CSTF3: variants seen among roughly 807,000 people sequenced by gnomAD.
CSTF3 encodes CF-1 77 kDa subunit.
Under a neutral mutation model 105.8 loss-of-function variants are expected in CSTF3, and 29 were observed. The observed-to-expected ratio is 0.27, with a 90% CI of 0.20 to 0.37. The LOEUF is 0.37. CSTF3 is among the 10% of genes least tolerant of loss of function. CSTF3 has a pLI of 1.00. For synonymous variants in CSTF3, 252 were observed against 281.9 expected (o/e 0.89, Z 1.06); for missense variants, 357 against 879.3 (o/e 0.41, Z 7.51).
intron 3 of CSTF3, among the ~76,000 whole-genome samples, chr11:33,137,071 C>A (rs1457566206): frequency 6.6e-6 from 1 of 151,748 alleles, no homozygotes; most frequent in Non-Finnish European, 1.5e-5. Flanking sequence ...ACTCTTATTA[C>A]ACCAAAGAAT....
Position 33,085,730 on chromosome 11 carries a change from C to T in CSTF3, c.1934G>A (p.Arg645Lys). The T allele has an allele frequency of 1.9e-6, 3 of 1,613,632 alleles. No homozygotes were observed. The highest frequency in any genetic ancestry group is 2.5e-6 in the Non-Finnish European group (3 of 1,179,658). Reference sequence around the variant, plus strand: ...TTACTTACTATTTGGTATCTTGCATCTTCGGAAAATTTCCATCAGTTCATC... The same window carrying T: ...TTACTTACTATTTGGTATCTTGCATTTTCGGAAAATTTCCATCAGTTCATC... ...QVDELMEIFR[R>K]CKIPNTVEEA... is the part of the protein sequence containing the mutation. The change falls in exon 20 of 21, where the codon AGA becomes AAA. Residue 645 changes from arginine to lysine, a missense_variant. Arg to Lys is a conservative substitution (Grantham distance 26). This residue lies in a region of CSTF3 where 73 missense variants were observed against 105.8 expected (regional missense o/e 0.69). Coordinates refer to ENST00000323959, the MANE Select transcript of CSTF3 (RefSeq NM_001326.3).
At chr11:33,125,917 A>G (rs998534904) in intron 3 of CSTF3, among the ~76,000 whole-genome samples, 6 of 152,200 alleles carry the variant, frequency 3.9e-5, no homozygotes, top group African/African-American at 1.4e-4. Context: ...TGTAAGTTCA[A>G]TGTTAATAAG....
chr11:33,139,808 G>A (rs962483890), intron 3 of CSTF3, among the ~76,000 whole-genome samples: 1 of 151,988 alleles, frequency 6.6e-6, no homozygotes, highest in Non-Finnish European at 1.5e-5. Flanking sequence ...TCAGGCAACT[G>A]CTAGCAGCTC....
intron 8 of CSTF3, among the ~76,000 whole-genome samples, chr11:33,105,137 A>G (rs1200533981): frequency 6.6e-6 from 1 of 152,232 alleles, no homozygotes; most frequent in Non-Finnish European, 1.5e-5. Flanking sequence ...GTAGATACCA[A>G]TAACACAAAG....
At chr11:33,146,361 G>A (rs1855782971) in intron 1 of CSTF3, among the ~76,000 whole-genome samples, 1 of 152,012 alleles carries the variant, frequency 6.6e-6, no homozygotes, top group Admixed American at 6.6e-5. Flanking sequence ...TCAGCTACTA[G>A]ACTATAGTTA....
At position 33,085,570 on chromosome 11, in the gene CSTF3, G is replaced by C; in HGVS notation, c.1951+143C>G. On this transcript the variant is annotated intron_variant, in intron 20 of 20. Coordinates refer to ENST00000323959, the MANE Select transcript of CSTF3 (RefSeq NM_001326.3). The stretch of plus-strand genomic sequence containing the variant: ...TGAATAAGCCTTTCTCTGCCAAAGA[G>C]GGTTTGGGTAACTCCTGGGTTTCAC... 9.7e-6 allele frequency: 7 copies of C among 724,796 alleles called. No individual in the cohort carries two copies. The South Asian group carries it at 1.3e-4, about 13-fold the overall frequency. The allele number at this position is 724,796 out of a possible 1,614,324, so 44.9% of individuals were successfully genotyped here.
At position 33,088,824 on chromosome 11, in the gene CSTF3, T is replaced by G. The variant is rs549161022; in HGVS notation, c.1642-1683A>C. 4.0e-5 allele frequency among the ~76,000 whole-genome samples: 6 copies of G among 151,684 alleles called. No homozygotes were observed. The South Asian group carries it at 1.3e-3, about 32-fold the overall frequency. ...GGTAGAGATGGGATTTCATCATGTT[T>G]CCCAGGCTGGTCTTGAACTCCTGGG... On this transcript the variant is annotated intron_variant, in intron 17 of 20. Coordinates refer to ENST00000323959, the MANE Select transcript of CSTF3 (RefSeq NM_001326.3).
Position 33,085,087 on chromosome 11 carries a change from C to T in CSTF3, c.2154G>A (p.Ter718=). The change falls in exon 21 of 21, where the codon TAG becomes TAA. Residue 718 remains the stop codon, a stop_retained_variant. Coordinates refer to ENST00000323959, the MANE Select transcript of CSTF3 (RefSeq NM_001326.3). Reference sequence around the variant, plus strand: ...GTTTTCTGCAGAGGCGTTTAAAACCCTACCGAATCCGCTTCTGCTGCCGTG... The same window carrying T: ...GTTTTCTGCAGAGGCGTTTAAAACCTTACCGAATCCGCTTCTGCTGCCGTG... The part of the protein sequence containing the change: ...YRARQQKRIR[*] 1 of 1,614,150 alleles carries T rather than the reference C, an allele frequency of 6.2e-7. No homozygotes were observed. The highest frequency in any genetic ancestry group is 8.5e-7 in the Non-Finnish European group (1 of 1,180,016).
Position 33,090,745 on chromosome 11 carries a change from C to T in CSTF3, c.1446-18G>A. 6.7e-7 allele frequency: 1 copy of T among 1,486,838 alleles called. No individual in the cohort carries two copies. Among genetic ancestry groups the T allele is most frequent in the African/African-American group, 1.4e-5 (1 of 70,976 alleles). The allele number at this position is 1,486,838 out of a possible 1,614,324, so 92.1% of individuals were successfully genotyped here. A position where few individuals can be genotyped will look rare whatever the true frequency, so the allele number is the denominator to read the frequency against. On this transcript the variant is annotated intron_variant, in intron 16 of 20. Transcript: ENST00000323959. The stretch of plus-strand genomic sequence containing the variant: ...AGATTTCTCTGCAAGAAAAGAAATA[C>T]AATCAATACTTTAATTATTCTGGGT...
At chr11:33,123,897 T>C (rs1014086943) in intron 3 of CSTF3, among the ~76,000 whole-genome samples, 1 of 152,008 alleles carries the variant, frequency 6.6e-6, no homozygotes. Context: ...TATATACACA[T>C]ATACATATGT....
chr11:33,117,449 T>C (rs1321722451), intron 3 of CSTF3, among the ~76,000 whole-genome samples: 2 of 152,054 alleles, frequency 1.3e-5, no homozygotes, highest in African/African-American at 4.8e-5. Flanking sequence ...GACTAAATAC[T>C]GCTAATACTA....
intron 1 of CSTF3, among the ~76,000 whole-genome samples, chr11:33,146,569 A>G (rs1405929909): frequency 6.6e-6 from 1 of 151,998 alleles, no homozygotes; most frequent in African/African-American, 2.4e-5. Context: ...TTAAAATTAA[A>G]TAAATACATA....
intron 3 of CSTF3, among the ~76,000 whole-genome samples, chr11:33,110,833 T>C (rs1038548517): frequency 6.6e-6 from 1 of 152,144 alleles, no homozygotes; most frequent in East Asian, 1.9e-4. Context: ...GGAGGAAATA[T>C]GAATTGTTAC....
Position 33,085,937 on chromosome 11 carries a change from AGCTGCAGGAGGG to A in CSTF3, c.1836_1847del (p.Pro613_Ala616del). On this transcript the variant is annotated inframe_deletion, in exon 19 of 21. Coordinates refer to ENST00000323959, the MANE Select transcript of CSTF3 (RefSeq NM_001326.3). ...GAGGGAGAAGTTTCATTAAAACAAC[AGCTGCAGGAGGG>A]ACTGGGAACACTCCACCAGGTACAG... is the stretch of plus-strand genomic sequence containing the variant. 6.5e-7 allele frequency: 1 copy of A among 1,546,482 alleles called. No individual in the cohort carries two copies. The highest frequency in any genetic ancestry group is 8.7e-7 in the Non-Finnish European group (1 of 1,150,448).
chr11:33,105,470 T>C (rs957036808), intron 8 of CSTF3, 97 bp downstream of exon 8: 2 of 1,177,374 alleles, frequency 1.7e-6, no homozygotes, highest in Non-Finnish European at 2.4e-6. Context: ...AAAAAAAGTG[T>C]AACACTGATA....
intron 3 of CSTF3, among the ~76,000 whole-genome samples, chr11:33,121,557 A>C (rs939621622): frequency 1.3e-5 from 2 of 152,180 alleles, no homozygotes; most frequent in African/African-American, 2.4e-5. Context: ...GATGCCACCA[A>C]AGGTAAAGAA....
chr11:33,126,871 T>C (rs767520790), intron 3 of CSTF3, among the ~76,000 whole-genome samples: 1 of 152,130 alleles, frequency 6.6e-6, no homozygotes, highest in Non-Finnish European at 1.5e-5. Context: ...ATTCAGTACA[T>C]TAGGTGATGA....
At chr11:33,108,302 A>G in intron 4 of CSTF3, 84 bp downstream of exon 4, 1 of 1,189,790 alleles carries the variant, frequency 8.4e-7, no homozygotes, top group Non-Finnish European at 1.1e-6. Flanking sequence ...TTCAATTATT[A>G]TTAACATTTT....
intron 3 of CSTF3, among the ~76,000 whole-genome samples, chr11:33,124,671 TG>T (rs1373719847): frequency 6.6e-5 from 10 of 152,162 alleles, no homozygotes; most frequent in African/African-American, 2.4e-4. Context: ...AAGAGAAACC[TG>T]GATACTTAAT....
Sources: gnomAD v4.1 joint callset for allele counts (sites outside exome capture counted in the v4.1 genomes callset) on GRCh38, gnomAD v4.1.1 for gene constraint, gnomAD v4.1.1 regional missense constraint, MANE v1.5 for transcripts, NCBI Gene and HGNC (gene_info 2026-07-23, HGNC 2026-07-21) for gene names.